CSNK2A2IP: variants seen among roughly 807,000 people sequenced by gnomAD.
CSNK2A2IP encodes casein kinase 2 subunit alpha' interacting protein.
the CSNK2A2IP span, among the ~76,000 whole-genome samples, chr3:88,396,652 C>G: frequency 6.6e-6 from 1 of 152,122 alleles, no homozygotes. Flanking sequence ...CGAGGAGAAG[C>G]GCAATGTTAG....
chr3:88,428,162 C>T, the CSNK2A2IP span, among the ~76,000 whole-genome samples: 1 of 152,114 alleles, frequency 6.6e-6, no homozygotes, highest in Non-Finnish European at 1.5e-5. Context: ...TTTGGCTGCC[C>T]CGCTGGATTT....
the CSNK2A2IP span, among the ~76,000 whole-genome samples, chr3:88,385,514 T>G: frequency 6.6e-6 from 1 of 152,224 alleles, no homozygotes; most frequent in East Asian, 1.9e-4. Context: ...AAATAACTTT[T>G]TTTTTGTTTT....
At chr3:88,353,170 T>C in the CSNK2A2IP span, among the ~76,000 whole-genome samples, 1 of 152,188 alleles carries the variant, frequency 6.6e-6, no homozygotes, top group East Asian at 1.9e-4. Context: ...CAACTTCCCC[T>C]AGTCTTTCAG....
the CSNK2A2IP span, among the ~76,000 whole-genome samples, chr3:88,405,488 A>C: frequency 6.6e-6 from 1 of 152,136 alleles, no homozygotes; most frequent in African/African-American, 2.4e-5. Context: ...TCTTGATCAA[A>C]AGTCAGAAAG....
chr3:88,448,719 C>A, the CSNK2A2IP span, among the ~76,000 whole-genome samples: 3 of 152,198 alleles, frequency 2.0e-5, no homozygotes, highest in Admixed American at 2.0e-4. Context: ...TTAGTCTACT[C>A]ACAGCGAACC....
chr3:88,357,763 G>GTTT, the CSNK2A2IP span, among the ~76,000 whole-genome samples: 179 of 150,860 alleles, frequency 1.2e-3, no homozygotes, highest in South Asian at 4.6e-3. Flanking sequence ...TTCATCAATG[G>GTTT]TTTTTTTTTG....
At chr3:88,349,804 G>T in the CSNK2A2IP span, among the ~76,000 whole-genome samples, 12,734 of 151,898 alleles carry the variant, frequency 0.084, 580 homozygotes, top group African/African-American at 0.11. Flanking sequence ...CTATTTTTTT[G>T]TGTGTGTGTG....
the CSNK2A2IP span, among the ~76,000 whole-genome samples, chr3:88,391,102 T>C: frequency 2.0e-5 from 3 of 152,308 alleles, no homozygotes; most frequent in African/African-American, 4.8e-5. Flanking sequence ...TAATACTTAA[T>C]AGGCAGCTGC....
chr3:88,461,409 C>T, the CSNK2A2IP span, among the ~76,000 whole-genome samples: 2 of 151,348 alleles, frequency 1.3e-5, no homozygotes, highest in Non-Finnish European at 2.9e-5. Context: ...AAAAATTAGC[C>T]GGGCGTGGTG....
the CSNK2A2IP span, among the ~76,000 whole-genome samples, chr3:88,366,303 G>T: frequency 1.3e-5 from 2 of 152,100 alleles, no homozygotes; most frequent in Admixed American, 6.6e-5. Context: ...TAGGCAGTTT[G>T]TACAATGGCT....
At chr3:88,391,039 C>A in the CSNK2A2IP span, among the ~76,000 whole-genome samples, 1 of 152,132 alleles carries the variant, frequency 6.6e-6, no homozygotes, top group Admixed American at 6.5e-5. Flanking sequence ...GTGATTGGGG[C>A]AAATTACTTA....
chr3:88,429,764 G>GT, the CSNK2A2IP span, among the ~76,000 whole-genome samples: 3 of 151,970 alleles, frequency 2.0e-5, no homozygotes, highest in South Asian at 2.1e-4. Flanking sequence ...GTTTTGTTTT[G>GT]TTTTTTGAGA....
the CSNK2A2IP span, among the ~76,000 whole-genome samples, chr3:88,357,413 C>T: frequency 6.6e-6 from 1 of 151,958 alleles, no homozygotes; most frequent in Admixed American, 6.6e-5. Context: ...GGGTTCTGTT[C>T]CATTAGTGTT....
chr3:88,392,621 C>T, the CSNK2A2IP span, among the ~76,000 whole-genome samples: 1 of 152,158 alleles, frequency 6.6e-6, no homozygotes, highest in African/African-American at 2.4e-5. Context: ...ACAATAAACA[C>T]ATTGCAATTG....
chr3:88,406,260 C>T, the CSNK2A2IP span, among the ~76,000 whole-genome samples: 1 of 152,046 alleles, frequency 6.6e-6, no homozygotes, highest in Non-Finnish European at 1.5e-5. Context: ...TTATCCAAAA[C>T]TAGAAGCAAA....
the CSNK2A2IP span, among the ~76,000 whole-genome samples, chr3:88,372,202 A>C: frequency 1.1e-4 from 17 of 151,818 alleles, no homozygotes; most frequent in African/African-American, 4.1e-4. Context: ...GGTTAAGTTT[A>C]TAACACACAT....
At chr3:88,465,106 A>G in the CSNK2A2IP span, 2 of 323,622 alleles carry the variant, frequency 6.2e-6, no homozygotes, top group Non-Finnish European at 1.1e-5. Flanking sequence ...TACTCAGGAG[A>G]AAAAAGTATA....
the CSNK2A2IP span, among the ~76,000 whole-genome samples, chr3:88,446,233 C>T: frequency 3.9e-5 from 6 of 151,928 alleles, no homozygotes; most frequent in Non-Finnish European, 7.4e-5. Flanking sequence ...GGATTACAGG[C>T]GCATGCCACT....
At chr3:88,358,563 T>C in the CSNK2A2IP span, among the ~76,000 whole-genome samples, 1 of 152,172 alleles carries the variant, frequency 6.6e-6, no homozygotes, top group Admixed American at 6.5e-5. Flanking sequence ...TTGAATTATA[T>C]TGAATGCTTT....
Sources: allele counts gnomAD v4.1 joint callset (sites outside exome capture counted in the v4.1 genomes callset), GRCh38; gene constraint gnomAD v4.1.1; transcripts MANE v1.5; gene names NCBI Gene and HGNC (gene_info 2026-07-23, HGNC 2026-07-21).